Variants in DENND1B observed in about 807,000 individuals in gnomAD.
DENND1B encodes DENN domain containing 1B.
In DENND1B, 59 loss-of-function variants were observed where a neutral mutation model predicts 90.1. The ratio of observed to expected loss-of-function variants is 0.65; its 90% CI spans 0.53 to 0.81. DENND1B has a LOEUF of 0.81. Among genes scored for constraint, DENND1B ranks in the 40% least tolerant of loss-of-function variants. DENND1B has a pLI of 0.00. For missense variants in DENND1B, 862 were observed against 912.6 expected (o/e 0.94, Z 0.71); for synonymous variants, 337 against 324.6 (o/e 1.04, Z -0.41).
intron 3 of DENND1B, among the ~76,000 whole-genome samples, chr1:197,698,012 A>G (rs1658622539): frequency 6.6e-6 from 1 of 152,100 alleles, no homozygotes; most frequent in African/African-American, 2.4e-5. Context: ...CAGATCAACA[A>G]GACAGAAAAT....
At chr1:197,723,296 T>C (rs2102281884) in intron 2 of DENND1B, among the ~76,000 whole-genome samples, 1 of 152,250 alleles carries the variant, frequency 6.6e-6, no homozygotes, top group South Asian at 2.1e-4. Flanking sequence ...CAAACAGGGC[T>C]AATGGGTGAG....
At chr1:197,762,870 C>G (rs1655261762) in intron 2 of DENND1B, among the ~76,000 whole-genome samples, 1 of 152,164 alleles carries the variant, frequency 6.6e-6, no homozygotes, top group African/African-American at 2.4e-5. Context: ...TGTTGTAGCA[C>G]ACGGCATTAT....
At chr1:197,774,868 A>G (rs1657076865) in intron 1 of DENND1B, among the ~76,000 whole-genome samples, 1 of 151,994 alleles carries the variant, frequency 6.6e-6, no homozygotes, top group East Asian at 1.9e-4. Context: ...GTCCCCCGAA[A>G]GGCGGGCGTC....
At chr1:197,625,700 A>C (rs1441660520) in intron 10 of DENND1B, among the ~76,000 whole-genome samples, 2 of 152,262 alleles carry the variant, frequency 1.3e-5, no homozygotes, top group African/African-American at 2.4e-5. Flanking sequence ...AAATGCTCCA[A>C]TTAAAAGACA....
intron 2 of DENND1B, among the ~76,000 whole-genome samples, chr1:197,745,220 C>A (rs942470789): frequency 6.6e-6 from 1 of 152,240 alleles, no homozygotes; most frequent in African/African-American, 2.4e-5. Context: ...TTTCCCTTTG[C>A]ATTCACAACC....
intron 20 of DENND1B, among the ~76,000 whole-genome samples, chr1:197,527,303 T>G (rs913191476): frequency 5.2e-4 from 56 of 107,206 alleles, no homozygotes; most frequent in Non-Finnish European, 9.2e-4. Flanking sequence ...CACTTGAAGG[T>G]TTTTTTTTGT....
chr1:197,661,926 T>G (rs977682453), intron 5 of DENND1B, among the ~76,000 whole-genome samples: 3 of 152,056 alleles, frequency 2.0e-5, no homozygotes, highest in Non-Finnish European at 4.4e-5. Context: ...TCCTTGTCTT[T>G]GAATAAATAA....
intron 7 of DENND1B, among the ~76,000 whole-genome samples, chr1:197,651,857 G>A (rs1231174184): frequency 5.3e-5 from 8 of 151,530 alleles, no homozygotes; most frequent in African/African-American, 1.2e-4. Context: ...GGGTTTCACC[G>A]TGTTAGCCAA....
intron 20 of DENND1B, among the ~76,000 whole-genome samples, chr1:197,523,849 G>A (rs987548052): frequency 1.3e-5 from 2 of 151,986 alleles, no homozygotes; most frequent in Non-Finnish European, 2.9e-5. Flanking sequence ...TATACATGGG[G>A]TCCATTGTTC....
chr1:197,609,327 G>A (rs1297379410), intron 12 of DENND1B, among the ~76,000 whole-genome samples: 1 of 150,484 alleles, frequency 6.6e-6, no homozygotes, highest in Non-Finnish European at 1.5e-5. Flanking sequence ...TTAATACAAA[G>A]AAATGACATA....
At chr1:197,766,168 C>A (rs116698913) in intron 2 of DENND1B, among the ~76,000 whole-genome samples, 1,673 of 152,282 alleles carry the variant, frequency 0.011, 33 homozygotes, top group African/African-American at 0.038. Flanking sequence ...CTTCTGACCT[C>A]AAGGGATTCT....
At chr1:197,724,418 T>TA (rs548319504) in intron 2 of DENND1B, among the ~76,000 whole-genome samples, 76 of 152,256 alleles carry the variant, frequency 5.0e-4, no homozygotes, top group African/African-American at 1.8e-3. Flanking sequence ...CTAAGAAACT[T>TA]ACTGTAAATG....
At chr1:197,767,686 C>T (rs1924516) in intron 2 of DENND1B, among the ~76,000 whole-genome samples, 2 of 152,028 alleles carry the variant, frequency 1.3e-5, no homozygotes, top group Admixed American at 1.3e-4. Context: ...TATGAAGATG[C>T]AAATCCTAAA....
At chr1:197,716,139 AG>A (rs1318804327) in intron 2 of DENND1B, among the ~76,000 whole-genome samples, 2 of 151,878 alleles carry the variant, frequency 1.3e-5, no homozygotes, top group Admixed American at 1.3e-4. Flanking sequence ...ACACAACCTA[AG>A]GATACATATA....
chr1:197,643,870 A>G (rs1680500378), intron 9 of DENND1B, among the ~76,000 whole-genome samples: 1 of 152,228 alleles, frequency 6.6e-6, no homozygotes, highest in African/African-American at 2.4e-5. Context: ...TGAAACAAAT[A>G]CATCAGAAAG....
chr1:197,698,407 G>A (rs1428305722), intron 3 of DENND1B, among the ~76,000 whole-genome samples: 10 of 151,776 alleles, frequency 6.6e-5, no homozygotes, highest in East Asian at 5.8e-4. Context: ...GGTACATAGC[G>A]AAAGCAGTGT....
intron 15 of DENND1B, among the ~76,000 whole-genome samples, chr1:197,571,133 C>T (rs973846469): frequency 3.9e-5 from 6 of 152,150 alleles, no homozygotes; most frequent in Non-Finnish European, 5.9e-5. Flanking sequence ...TCACTTCTCT[C>T]CTGGACAACT....
chr1:197,553,467 T>C (rs1400944965), intron 15 of DENND1B, among the ~76,000 whole-genome samples: 1 of 152,136 alleles, frequency 6.6e-6, no homozygotes, highest in Non-Finnish European at 1.5e-5. Flanking sequence ...AAAGGTACTG[T>C]TGCCTTGCCA....
Position 197,639,891 on chromosome 1 carries a change from A to T in DENND1B, c.672+2820T>A, listed in dbSNP as rs962085565. On this transcript the variant is annotated intron_variant, in intron 10 of 22. Coordinates refer to ENST00000620048, the MANE Select transcript of DENND1B (RefSeq NM_001195215.2). ...AGATTCAAGTAAAGCAGCTTCCTCC[A>T]TAAAAGAAGACTAAGATCATGAAAG... 5.3e-5 allele frequency among the ~76,000 whole-genome samples: 8 copies of T among 152,314 alleles called. No individual in the cohort carries two copies. In the South Asian group the frequency reaches 6.2e-4, roughly 12 times the overall value.
Sources: gnomAD v4.1 joint callset for allele counts (sites outside exome capture counted in the v4.1 genomes callset) on GRCh38, gnomAD v4.1.1 for gene constraint, MANE v1.5 for transcripts, NCBI Gene and HGNC (gene_info 2026-07-23, HGNC 2026-07-21) for gene names.